Variants in KLF12 observed in about 807,000 individuals in gnomAD.
The protein encoded by KLF12 is KLF transcription factor 12, also known as Krueppel-like factor 12.
KLF12 carries 9 observed loss-of-function variants against 37.8 expected under a neutral mutation model. The ratio of observed to expected loss-of-function variants is 0.24; its 90% CI spans 0.14 to 0.42. The LOEUF is 0.42. Ranked by LOEUF, KLF12 falls within the 10% of genes least tolerant of loss-of-function variation. The pLI, the probability that KLF12 is intolerant of heterozygous loss-of-function variation, is 1.00. For missense variants in KLF12, 411 were observed against 516.0 expected (o/e 0.80, Z 1.97); for synonymous variants, 208 against 202.1 (o/e 1.03, Z -0.25).
intron 1 of KLF12, among the ~76,000 whole-genome samples, chr13:74,082,752 T>G (rs1874989903): frequency 6.6e-6 from 1 of 152,166 alleles, no homozygotes; most frequent in Non-Finnish European, 1.5e-5. Context: ...TAACTGGACC[T>G]TTAGCAAGCA....
chr13:73,847,131 C>T (rs1003208908), intron 3 of KLF12, among the ~76,000 whole-genome samples: 1 of 152,066 alleles, frequency 6.6e-6, no homozygotes, highest in Non-Finnish European at 1.5e-5. Flanking sequence ...CTATTATTTG[C>T]ATGAATATAA....
At chr13:73,957,402 A>T (rs533322417) in intron 2 of KLF12, among the ~76,000 whole-genome samples, 2 of 152,360 alleles carry the variant, frequency 1.3e-5, no homozygotes, top group East Asian at 3.9e-4. Context: ...AGCAATGGAA[A>T]CTGAAAGAAA....
intron 3 of KLF12, among the ~76,000 whole-genome samples, chr13:73,853,456 AAGC>A (rs1362775072): frequency 6.6e-6 from 1 of 152,156 alleles, no homozygotes; most frequent in Non-Finnish European, 1.5e-5. Context: ...TAAAATTGGT[AAGC>A]AGGACAGGCG....
intron 3 of KLF12, among the ~76,000 whole-genome samples, chr13:73,853,041 G>A (rs1426811720): frequency 6.6e-6 from 1 of 151,662 alleles, no homozygotes; most frequent in Non-Finnish European, 1.5e-5. Context: ...CTAATTTTTT[G>A]TATTATTAGT....
At chr13:73,976,802 GAGTA>G (rs1891537195) in intron 2 of KLF12, among the ~76,000 whole-genome samples, 1 of 152,078 alleles carries the variant, frequency 6.6e-6, no homozygotes. Flanking sequence ...AATTTTCTAG[GAGTA>G]ATTTTAAAAA....
intron 5 of KLF12, chr13:73,812,833 A>G: frequency 4.8e-6 from 1 of 209,052 alleles, no homozygotes; most frequent in Non-Finnish European, 9.5e-6. Context: ...TGTAATAATA[A>G]TGATGATGAT....
At chr13:73,829,927 CCT>C (rs1884061891) in intron 4 of KLF12, among the ~76,000 whole-genome samples, 1 of 152,158 alleles carries the variant, frequency 6.6e-6, no homozygotes, top group Admixed American at 6.5e-5. Context: ...AAACTGTAAT[CCT>C]CTGTTTATAT....
upstream of KLF12, among the ~76,000 whole-genome samples, chr13:74,135,638 C>T (rs1197700728): frequency 6.6e-6 from 1 of 151,592 alleles, no homozygotes; most frequent in Admixed American, 6.6e-5. Context: ...AGGCTGTGGG[C>T]CCGCCTCCTC....
intron 5 of KLF12, among the ~76,000 whole-genome samples, chr13:73,798,405 CA>C (rs1264483593): frequency 2.0e-5 from 3 of 151,922 alleles, no homozygotes; most frequent in Non-Finnish European, 2.9e-5. Context: ...GCAACAAAAG[CA>C]AAAATTGACA....
the KLF12 span, among the ~76,000 whole-genome samples, chr13:74,155,235 C>T: frequency 1.3e-5 from 2 of 152,230 alleles, no homozygotes; most frequent in African/African-American, 4.8e-5. Flanking sequence ...CCACATGCAG[C>T]GGGTTTAAAA....
chr13:74,138,787 T>C (rs1878628672), upstream of KLF12, among the ~76,000 whole-genome samples: 2 of 152,150 alleles, frequency 1.3e-5, no homozygotes, highest in South Asian at 4.1e-4. Context: ...TTATAACATA[T>C]CTGTCTTTAC....
At chr13:73,906,767 C>G (rs1178116866) in intron 3 of KLF12, among the ~76,000 whole-genome samples, 2 of 152,104 alleles carry the variant, frequency 1.3e-5, no homozygotes. Context: ...TGTTAAAATC[C>G]TGGAAACATA....
At chr13:73,834,861 T>C (rs908131508) in intron 4 of KLF12, among the ~76,000 whole-genome samples, 2 of 152,182 alleles carry the variant, frequency 1.3e-5, no homozygotes, top group African/African-American at 4.8e-5. Context: ...CTGGTATCCT[T>C]GCTCAGTGGG....
At chr13:73,976,840 G>C (rs545107743) in intron 2 of KLF12, among the ~76,000 whole-genome samples, 3 of 152,224 alleles carry the variant, frequency 2.0e-5, no homozygotes, top group Middle Eastern at 3.4e-3. Flanking sequence ...CACCTACTTA[G>C]CATAGTTCAA....
chr13:74,178,215 T>C, the KLF12 span, among the ~76,000 whole-genome samples: 2 of 152,260 alleles, frequency 1.3e-5, no homozygotes, highest in African/African-American at 4.8e-5. Context: ...GTACGCTGAC[T>C]GATTCCATCC....
chr13:73,817,787 T>C (rs569018974), intron 4 of KLF12, among the ~76,000 whole-genome samples: 4 of 152,186 alleles, frequency 2.6e-5, no homozygotes, highest in Non-Finnish European at 5.9e-5. Flanking sequence ...GTCACCTCCT[T>C]TTCTTTGGCT....
the KLF12 span, among the ~76,000 whole-genome samples, chr13:74,170,865 A>G: frequency 7.2e-5 from 11 of 152,096 alleles, no homozygotes; most frequent in Non-Finnish European, 1.0e-4. Context: ...CCTGGGTTCA[A>G]GTGGTTCTCC....
In KLF12 at chr13:73,845,390, T is replaced by C. The variant is rs142252163; in HGVS notation, c.670+437A>G. ...GCAACTTCACAACATTGTATATTAT[T>C]ATCACCTAAATAAATTCCAACTGAA... On this transcript the variant is annotated intron_variant, in intron 4 of 7. Coordinates refer to ENST00000377669, the MANE Select transcript of KLF12 (RefSeq NM_007249.5). Among the ~76,000 whole-genome samples, 297 of 152,264 alleles carry C rather than the reference T, an allele frequency of 2.0e-3. 1 individual carries two copies. Among genetic ancestry groups the C allele is most frequent in the African/African-American group, 6.3e-3 (261 of 41,562 alleles).
At chr13:73,944,915 C>A (rs934446688) in intron 2 of KLF12, among the ~76,000 whole-genome samples, 11 of 152,190 alleles carry the variant, frequency 7.2e-5, no homozygotes, top group Non-Finnish European at 5.9e-5. Flanking sequence ...TATTTTTAAA[C>A]ATGTTTAGAA....
Sources: allele counts gnomAD v4.1 joint callset (sites outside exome capture counted in the v4.1 genomes callset), GRCh38; gene constraint gnomAD v4.1.1; transcripts MANE v1.5; gene names NCBI Gene and HGNC (gene_info 2026-07-23, HGNC 2026-07-21).